ANTXRL: variants seen among roughly 807,000 people sequenced by gnomAD.
ANTXRL encodes the protein anthrax toxin receptor-like.
Under a neutral mutation model 75.4 loss-of-function variants are expected in ANTXRL, and 63 were observed. The ratio of observed to expected loss-of-function variants is 0.84; its 90% CI spans 0.68 to 1.03. The LOEUF (loss-of-function observed/expected upper bound fraction) is 1.03, where lower values mean the gene tolerates loss of function less well. ANTXRL is among the 50% of genes least tolerant of loss of function. ANTXRL has a pLI of 0.00. For synonymous variants in ANTXRL, 335 were observed against 291.3 expected (o/e 1.15, Z -1.53); for missense variants, 797 against 789.4 (o/e 1.01, Z -0.12).
intron 16 of ANTXRL, among the ~76,000 whole-genome samples, chr10:46,324,604 G>T (rs539375511): frequency 6.6e-6 from 1 of 152,090 alleles, no homozygotes; most frequent in African/African-American, 2.4e-5. Context: ...AGGTTTTAGC[G>T]TATATTGGAG....
rs1554957718 is a variant in ANTXRL, at chr10:46,293,925, G to C, written c.392+25G>C. On this transcript the variant is annotated intron_variant, in intron 3 of 16. Transcript: ENST00000620264. ...AGTGAGTGCTGCTTTGAGCCCCAAA[G>C]GGAGGCCTGATGAGCTTGGCCAGAG... is the stretch of plus-strand genomic sequence containing the variant. The C allele has an allele frequency of 2.6e-6, 4 of 1,534,144 alleles. No homozygotes were observed. In the East Asian group the frequency reaches 7.3e-5, roughly 28 times the overall value.
intron 3 of ANTXRL, 77 bp from the exon 4 acceptor site, chr10:46,295,942 G>A: frequency 1.7e-6 from 2 of 1,206,292 alleles, no homozygotes; most frequent in Non-Finnish European, 2.4e-6. Flanking sequence ...AAGAACAGTG[G>A]CTCCCGGAGA....
chr10:46,317,604 G>A (rs1838795835), intron 16 of ANTXRL, among the ~76,000 whole-genome samples: 1 of 152,176 alleles, frequency 6.6e-6, no homozygotes, highest in South Asian at 2.1e-4. Flanking sequence ...GCTTGCAGCT[G>A]TTCTTGAAGC....
At chr10:46,311,737 C>T in intron 15 of ANTXRL, 72 bp downstream of exon 15, 2 of 661,090 alleles carry the variant, frequency 3.0e-6, no homozygotes, top group South Asian at 3.5e-5. Context: ...AGATGGGTCC[C>T]ACTGTGGAGA....
intron 16 of ANTXRL, among the ~76,000 whole-genome samples, chr10:46,321,098 TC>T (rs1838956975): frequency 6.6e-6 from 1 of 152,212 alleles, no homozygotes; most frequent in Non-Finnish European, 1.5e-5. Flanking sequence ...CTTTGGAGTT[TC>T]AAGGTGATTC....
At chr10:46,315,633 T>C (rs1838684608) in intron 16 of ANTXRL, among the ~76,000 whole-genome samples, 1 of 152,132 alleles carries the variant, frequency 6.6e-6, no homozygotes, top group Non-Finnish European at 1.5e-5. Context: ...AAACTCTTCT[T>C]CCTGACTTGG....
At chr10:46,290,045 C>CTTTTTTTTTTTTTTTTTTTTTTTTTTTTT (rs34276033) in intron 1 of ANTXRL, among the ~76,000 whole-genome samples, 2 of 119,670 alleles carry the variant, frequency 1.7e-5, no homozygotes, top group Non-Finnish European at 3.3e-5. Context: ...TTTTCTTTAT[C>CTTTTTTTTTTTTTTTTTTTTTTTTTTTTT]TTTTTTTTTT....
In ANTXRL at chr10:46,317,845, A is replaced by G. The variant is rs373787936; in HGVS notation, c.1410+4529A>G. Among the ~76,000 whole-genome samples the G allele has an allele frequency of 1.4e-4, 21 of 152,256 alleles. 1 individual carries two copies. The South Asian group carries it at 4.1e-3, about 30-fold the overall frequency. On this transcript the variant is annotated intron_variant, in intron 16 of 16. Coordinates refer to ENST00000620264, the MANE Select transcript of ANTXRL (RefSeq NM_001278688.3). The stretch of plus-strand genomic sequence containing the variant: ...ACTTCAGGAAATGTCCCTTTACCTT[A>G]GAGTGGTTGAGCTGATGTGAGAAGT...
chr10:46,326,652 G>T lies in ANTXRL; in HGVS notation c.1411-2947G>T, dbSNP rs1554966575. ...TGGTGCCCAGGAGGAGTGAGGTGGG[G>T]CTTCAAGCCCCCATGACAAAGCCAC... On this transcript the variant is annotated intron_variant, in intron 16 of 16. Coordinates refer to ENST00000620264, the MANE Select transcript of ANTXRL (RefSeq NM_001278688.3). 1.3e-5 allele frequency among the ~76,000 whole-genome samples: 2 copies of T among 152,110 alleles called. 1 individual carries two copies. Among genetic ancestry groups the T allele is most frequent in the Non-Finnish European group, 2.9e-5 (2 of 68,020 alleles).
At chr10:46,318,369 C>A (rs1385159018) in intron 16 of ANTXRL, among the ~76,000 whole-genome samples, 1 of 151,976 alleles carries the variant, frequency 6.6e-6, no homozygotes, top group Non-Finnish European at 1.5e-5. Context: ...CTTATTGGTA[C>A]AAGAGAAATT....
At chr10:46,293,779 C>T (rs1554957585) in intron 2 of ANTXRL, 50 bp from the exon 3 acceptor site, 1 of 1,492,102 alleles carries the variant, frequency 6.7e-7, no homozygotes, top group Non-Finnish European at 9.0e-7. Context: ...ACCACCTTGG[C>T]TTCTGAGCCT....
intron 16 of ANTXRL, among the ~76,000 whole-genome samples, chr10:46,316,105 T>G (rs1554964628): frequency 6.6e-6 from 1 of 152,138 alleles, no homozygotes; most frequent in African/African-American, 2.4e-5. Flanking sequence ...GGAAACAATA[T>G]CACTCGATCC....
At chr10:46,292,199 C>A in intron 2 of ANTXRL, 70 bp downstream of exon 2, 1 of 1,432,164 alleles carries the variant, frequency 7.0e-7, no homozygotes. Flanking sequence ...AGGCAGAGGG[C>A]ACATCCCATC....
intron 2 of ANTXRL, among the ~76,000 whole-genome samples, chr10:46,293,281 AGTGTGTGC>A (rs1163633762): frequency 8.4e-6 from 1 of 119,258 alleles, no homozygotes; most frequent in African/African-American, 3.5e-5. Context: ...CGTGTGTGAG[AGTGTGTGC>A]GTGTGTGCCT....
intron 1 of ANTXRL, among the ~76,000 whole-genome samples, chr10:46,288,739 G>T (rs1554955833): frequency 2.6e-5 from 4 of 152,162 alleles, no homozygotes; most frequent in Non-Finnish European, 5.9e-5. Flanking sequence ...GACAGAGGAT[G>T]GGGATGAAGG....
At chr10:46,322,183 G>A (rs890239693) in intron 16 of ANTXRL, among the ~76,000 whole-genome samples, 4 of 152,064 alleles carry the variant, frequency 2.6e-5, no homozygotes, top group African/African-American at 7.2e-5. Context: ...CTGATACCCC[G>A]TTGAGGTTGG....
At chr10:46,288,066 G>T (rs2132628381) in intron 1 of ANTXRL, among the ~76,000 whole-genome samples, 1 of 152,002 alleles carries the variant, frequency 6.6e-6, no homozygotes, top group Non-Finnish European at 1.5e-5. Context: ...AGTTTGGTCT[G>T]TTTCAGGCTG....
chr10:46,311,775 A>G (rs1309298643), intron 15 of ANTXRL, 110 bp downstream of exon 15: 2 of 588,252 alleles, frequency 3.4e-6, no homozygotes, highest in Non-Finnish European at 6.0e-6. Flanking sequence ...GGCAGGCTCT[A>G]CAGGGGCTGG....
chr10:46,297,511 C>T (rs4256914), intron 7 of ANTXRL, 37 bp downstream of exon 7: 2 of 1,530,152 alleles, frequency 1.3e-6, no homozygotes, highest in African/African-American at 2.7e-5. Context: ...CACTTTCAAG[C>T]CTAGTGGTCA....
Sources: allele counts gnomAD v4.1 joint callset (sites outside exome capture counted in the v4.1 genomes callset), GRCh38; gene constraint gnomAD v4.1.1; transcripts MANE v1.5; gene names NCBI Gene and HGNC (gene_info 2026-07-23, HGNC 2026-07-21).